Variants in P4HA1 observed in about 807,000 individuals in gnomAD.
The protein encoded by P4HA1 is prolyl 4-hydroxylase subunit alpha 1, also known as prolyl 4-hydroxylase subunit alpha-1.
A neutral mutation model predicts 72.8 loss-of-function variants in P4HA1; 24 were observed. That is an observed-to-expected ratio of 0.33 (90% CI 0.24 to 0.46). P4HA1 has a LOEUF of 0.46. Ranked by LOEUF, P4HA1 falls within the 20% of genes least tolerant of loss-of-function variation. The pLI, the probability that P4HA1 is intolerant of heterozygous loss-of-function variation, is 1.00. For synonymous variants in P4HA1, 201 were observed against 218.8 expected (o/e 0.92, Z 0.72); for missense variants, 446 against 640.6 (o/e 0.70, Z 3.28).
chr10:73,011,703 A>G (rs540455257), intron 12 of P4HA1, among the ~76,000 whole-genome samples: 8 of 152,274 alleles, frequency 5.3e-5, no homozygotes, highest in East Asian at 1.9e-4. Context: ...TTAAAGCAAC[A>G]TAAGTAGAAT....
At chr10:73,030,678 A>T (rs951062808) in intron 9 of P4HA1, among the ~76,000 whole-genome samples, 5 of 152,332 alleles carry the variant, frequency 3.3e-5, no homozygotes, top group African/African-American at 9.6e-5. Flanking sequence ...ACTTCAAAAA[A>T]TTCTTTAAAA....
chr10:73,041,726 T>A (rs1037287058), intron 9 of P4HA1, among the ~76,000 whole-genome samples: 2 of 152,120 alleles, frequency 1.3e-5, no homozygotes, highest in African/African-American at 4.8e-5. Context: ...TACCATTAGA[T>A]CATATCCCCT....
chr10:73,093,873 A>AATATATATATATATATATAT (rs1167437294), intron 1 of P4HA1, among the ~76,000 whole-genome samples: 1 of 29,324 alleles, frequency 3.4e-5, no homozygotes, highest in Non-Finnish European at 7.9e-5. Context: ...AAAAAAAAAA[A>AATATATATATATATATATAT]ATATATATAT....
intron 5 of P4HA1, among the ~76,000 whole-genome samples, chr10:73,059,182 A>G (rs1271194761): frequency 2.0e-5 from 3 of 152,106 alleles, no homozygotes; most frequent in Admixed American, 2.0e-4. Flanking sequence ...ATGGTCACAT[A>G]GAAAAAGGAA....
At chr10:73,044,096 C>G (rs919005552) in intron 9 of P4HA1, 1 of 501,730 alleles carries the variant, frequency 2.0e-6, no homozygotes, top group African/African-American at 1.9e-5. Context: ...CTCGAATCCA[C>G]AAAAACATTT....
intron 1 of P4HA1, among the ~76,000 whole-genome samples, chr10:73,093,759 C>T (rs1236517066): frequency 1.4e-5 from 2 of 138,564 alleles, no homozygotes; most frequent in South Asian, 2.5e-4. Flanking sequence ...AGGAGAATGG[C>T]GTGAACCCGG....
At chr10:73,069,042 G>T in intron 4 of P4HA1, 59 bp from the exon 5 acceptor site, 2 of 1,267,128 alleles carry the variant, frequency 1.6e-6, no homozygotes, top group South Asian at 1.3e-5. Flanking sequence ...TTCCCATAAA[G>T]AGACTTAATA....
chr10:73,064,495 T>TAAAG lies in P4HA1; in HGVS notation c.463+4347_463+4350dup, dbSNP rs370168763. Among the ~76,000 whole-genome samples, 52 of 151,182 alleles carry TAAAG rather than the reference T, an allele frequency of 3.4e-4. 1 individual carries two copies. The highest frequency in any genetic ancestry group is 3.4e-3 in the Middle Eastern group (1 of 292). On this transcript the variant is annotated intron_variant, in intron 5 of 14. Coordinates refer to ENST00000394890, the MANE Select transcript of P4HA1 (RefSeq NM_001017962.3). ...TCCTGTCTCAAAAAAATAAAGAAAA[T>TAAAG]AAAGAAAATAAACTATAATATCATA... is the stretch of plus-strand genomic sequence containing the variant.
intron 10 of P4HA1, among the ~76,000 whole-genome samples, chr10:73,021,520 C>A (rs1332976090): frequency 1.3e-5 from 2 of 152,214 alleles, no homozygotes; most frequent in Non-Finnish European, 2.9e-5. Flanking sequence ...ATGGATGGAA[C>A]TGGAGTTCAT....
chr10:73,046,800 C>T (rs1208790465), intron 8 of P4HA1, 125 bp downstream of exon 8: 10 of 727,416 alleles, frequency 1.4e-5, no homozygotes, highest in Non-Finnish European at 2.2e-5. Context: ...CTCCATTATG[C>T]TGAGGCAAAA....
Position 73,017,081 on chromosome 10 carries a change from C to CTA in P4HA1, c.1249-184_1249-183dup, listed in dbSNP as rs1840020923. 2.0e-5 allele frequency among the ~76,000 whole-genome samples: 3 copies of CTA among 151,212 alleles called. No homozygotes were observed. The South Asian group carries it at 6.3e-4, about 32-fold the overall frequency. On this transcript the variant is annotated intron_variant, in intron 10 of 14. Coordinates refer to ENST00000394890, the MANE Select transcript of P4HA1 (RefSeq NM_001017962.3). ...AGGGATGAAAAACAAAGGACAGCTA[C>CTA]TATATATCTATGTACAGATCTATAT...
intron 5 of P4HA1, among the ~76,000 whole-genome samples, chr10:73,056,369 C>T (rs1841147820): frequency 6.6e-6 from 1 of 152,136 alleles, no homozygotes; most frequent in Non-Finnish European, 1.5e-5. Flanking sequence ...TGGTGGCTCA[C>T]GCCTGCAATC....
At chr10:73,015,774 G>GA (rs1839997094) in intron 11 of P4HA1, among the ~76,000 whole-genome samples, 1 of 151,906 alleles carries the variant, frequency 6.6e-6, no homozygotes, top group Non-Finnish European at 1.5e-5. Flanking sequence ...CTAAGTTTGG[G>GA]ATCATTGTTC....
intron 2 of P4HA1, 121 bp from the exon 3 acceptor site, chr10:73,073,948 G>A: frequency 3.0e-6 from 2 of 667,170 alleles, no homozygotes; most frequent in East Asian, 2.7e-5. Context: ...CAGATATGCT[G>A]GAGACTATCT....
At chr10:73,074,579 C>T (rs1023526590) in intron 2 of P4HA1, among the ~76,000 whole-genome samples, 1 of 152,002 alleles carries the variant, frequency 6.6e-6, no homozygotes, top group African/African-American at 2.4e-5. Flanking sequence ...TATCTGTGCA[C>T]TGAAAAAGAC....
intron 9 of P4HA1, among the ~76,000 whole-genome samples, chr10:73,033,688 G>C (rs903309225): frequency 7.9e-5 from 12 of 152,176 alleles, no homozygotes; most frequent in Non-Finnish European, 2.9e-5. Flanking sequence ...TGCAAAGAAA[G>C]AAGCTGGACC....
intron 11 of P4HA1, among the ~76,000 whole-genome samples, chr10:73,016,332 CTTG>C (rs1005925697): frequency 5.9e-5 from 9 of 152,314 alleles, no homozygotes; most frequent in Non-Finnish European, 1.2e-4. Context: ...CCCACTTTTC[CTTG>C]TTGTATTTGG....
chr10:73,044,300 T>C (rs1384529036), intron 9 of P4HA1, among the ~76,000 whole-genome samples: 3 of 152,102 alleles, frequency 2.0e-5, no homozygotes, highest in Admixed American at 6.6e-5. Context: ...TGAAAAAAAA[T>C]AGTAGACTCC....
At chr10:73,034,980 CAT>C (rs1376370701) in intron 9 of P4HA1, among the ~76,000 whole-genome samples, 4 of 152,132 alleles carry the variant, frequency 2.6e-5, no homozygotes, top group African/African-American at 9.7e-5. Context: ...ATATATACCA[CAT>C]GTTTATCCAT....
Sources: gnomAD v4.1 joint callset for allele counts (sites outside exome capture counted in the v4.1 genomes callset) on GRCh38, gnomAD v4.1.1 for gene constraint, MANE v1.5 for transcripts, NCBI Gene and HGNC (gene_info 2026-07-23, HGNC 2026-07-21) for gene names.